Variants in DSCAM observed in about 807,000 individuals in gnomAD.
The protein encoded by DSCAM is DS cell adhesion molecule.
In DSCAM, 47 loss-of-function variants were observed where a neutral mutation model predicts 217.7. The ratio of observed to expected loss-of-function variants is 0.22; its 90% CI spans 0.17 to 0.28. The LOEUF is 0.28. DSCAM is among the 10% of genes least tolerant of loss of function. The pLI, the probability that DSCAM is intolerant of heterozygous loss-of-function variation, is 1.00. For synonymous variants in DSCAM, 1,056 were observed against 1,015.3 expected, an observed-to-expected ratio of 1.04 and a Z score of -0.76; for missense variants, 2,080 against 2,618.3, an observed-to-expected ratio of 0.79 and a Z score of 4.49.
chr21:40,480,819 T>C (rs1400617489), intron 3 of DSCAM, among the ~76,000 whole-genome samples: 2 of 152,216 alleles, frequency 1.3e-5, no homozygotes, highest in Non-Finnish European at 1.5e-5. Flanking sequence ...TTAAAGATGA[T>C]ACTGGCTCAA....
chr21:40,275,490 T>C (rs1029908498), intron 11 of DSCAM, among the ~76,000 whole-genome samples: 4 of 152,222 alleles, frequency 2.6e-5, no homozygotes, highest in Admixed American at 2.6e-4. Flanking sequence ...TGGTTCACTT[T>C]ATATCCTTTC....
At chr21:40,833,467 A>T (rs895284138) in intron 1 of DSCAM, among the ~76,000 whole-genome samples, 4 of 152,198 alleles carry the variant, frequency 2.6e-5, no homozygotes, top group Admixed American at 2.6e-4. Context: ...ATGCATTCAG[A>T]GCGGTTAGCA....
At chr21:40,389,586 A>G (rs564567313) in intron 3 of DSCAM, among the ~76,000 whole-genome samples, 3 of 152,354 alleles carry the variant, frequency 2.0e-5, no homozygotes, top group Non-Finnish European at 4.4e-5. Flanking sequence ...AAGTTGACAA[A>G]GAGCTTACCA....
Position 40,535,915 on chromosome 21 carries a change from A to G in DSCAM, c.508+156895T>C, listed in dbSNP as rs569030348. ...GTCAACATGGATCATGATTTGGGAG[A>G]AAAAAACACCTACTTGGTTGAGAAG... On this transcript the variant is annotated intron_variant, in intron 3 of 32. Transcript: ENST00000400454. 2.1e-4 allele frequency among the ~76,000 whole-genome samples: 32 copies of G among 152,256 alleles called. 1 individual carries two copies. The South Asian group carries it at 6.4e-3, about 31-fold the overall frequency.
chr21:40,617,060 A>C (rs2089408133), intron 3 of DSCAM, among the ~76,000 whole-genome samples: 1 of 146,532 alleles, frequency 6.8e-6, no homozygotes, highest in African/African-American at 2.5e-5. Context: ...CCAGAAATAG[A>C]CTCTAAGACA....
At chr21:40,322,717 G>T (rs1047127882) in intron 8 of DSCAM, among the ~76,000 whole-genome samples, 1 of 152,070 alleles carries the variant, frequency 6.6e-6, no homozygotes, top group Admixed American at 6.5e-5. Context: ...TAGAGACAGG[G>T]TTTCACCATG....
intron 1 of DSCAM, among the ~76,000 whole-genome samples, chr21:40,768,162 C>T (rs2091412404): frequency 6.6e-6 from 1 of 152,172 alleles, no homozygotes; most frequent in Non-Finnish European, 1.5e-5. Flanking sequence ...AACATGGTCA[C>T]CCCTGCCTGA....
intron 17 of DSCAM, 46 bp from the exon 18 acceptor site, chr21:40,142,750 G>A (rs780636356): frequency 1.3e-6 from 2 of 1,515,938 alleles, no homozygotes; most frequent in South Asian, 1.2e-5. Context: ...GGTGGTTTAT[G>A]AGCAAAGCAA....
intron 3 of DSCAM, among the ~76,000 whole-genome samples, chr21:40,674,843 G>C (rs530835894): frequency 6.6e-6 from 1 of 151,958 alleles, no homozygotes; most frequent in Non-Finnish European, 1.5e-5. Context: ...GTGTTAGCCA[G>C]GATGGTCTTG....
In DSCAM at chr21:40,802,403, T is replaced by G. The variant is rs919376468; in HGVS notation, c.43+44216A>C. ...TGGACTTTCGACTTCCGAGTTGGTGTGGGGATAAGTTAAGACTTTGGGGTT... is the reference window on the plus strand; with the variant it reads ...TGGACTTTCGACTTCCGAGTTGGTGGGGGGATAAGTTAAGACTTTGGGGTT... On this transcript the variant is annotated intron_variant, in intron 1 of 32. Coordinates refer to ENST00000400454, the MANE Select transcript of DSCAM (RefSeq NM_001389.5). 6.6e-5 allele frequency among the ~76,000 whole-genome samples: 10 copies of G among 152,188 alleles called. 1 individual carries two copies. The highest frequency in any genetic ancestry group is 2.6e-4 in the Admixed American group (4 of 15,282).
intron 3 of DSCAM, among the ~76,000 whole-genome samples, chr21:40,563,684 TTATA>T (rs548801489): frequency 0.045 from 3,457 of 76,208 alleles, 183 homozygotes; most frequent in African/African-American, 0.15. Context: ...GTTTATATGT[TTATA>T]TATAGTTATA....
chr21:40,247,413 T>C (rs377479000), intron 11 of DSCAM, among the ~76,000 whole-genome samples: 67 of 152,248 alleles, frequency 4.4e-4, no homozygotes, highest in African/African-American at 1.5e-3. Flanking sequence ...ACTTCCTAGA[T>C]ACAATGGGGG....
At chr21:40,268,526 C>T (rs574167559) in intron 11 of DSCAM, among the ~76,000 whole-genome samples, 31 of 151,712 alleles carry the variant, frequency 2.0e-4, no homozygotes, top group African/African-American at 7.3e-4. Context: ...TTGAAATAGG[C>T]GCAATTACCC....
chr21:40,817,889 G>A (rs562424868), intron 1 of DSCAM, among the ~76,000 whole-genome samples: 20 of 151,330 alleles, frequency 1.3e-4, no homozygotes, highest in African/African-American at 4.8e-4. Flanking sequence ...GAGGTCAGGA[G>A]ATCGAGACCA....
Position 40,083,989 on chromosome 21 carries a change from G to A in DSCAM, c.4150C>T (p.Arg1384Trp), listed in dbSNP as rs376121987. Residue 1384 changes from arginine to tryptophan, a missense_variant, in exon 24 of 33, where the codon CGG becomes TGG. Arg to Trp is a moderately radical substitution (Grantham distance 101). Around this residue, in one of 5 missense-constraint regions of DSCAM, gnomAD observed 1,144 missense variants for 1,421.1 expected, o/e 0.81. Coordinates refer to ENST00000400454, the MANE Select transcript of DSCAM (RefSeq NM_001389.5). ...GACGTGGTCTTGGAGACTGTAAGCC[G>A]AGGCTGATCTGGTGGAACTGGAGAG... Reference protein sequence around the residue: ...LQVQVPPDQPRLTVSKTTSSS... With the variant: ...LQVQVPPDQPWLTVSKTTSSS... The A allele has an allele frequency of 1.6e-5, 26 of 1,612,670 alleles. No individual in the cohort carries two copies. The highest frequency in any genetic ancestry group is 9.3e-5 in the African/African-American group (7 of 74,868).
At chr21:40,651,953 C>G (rs944534163) in intron 3 of DSCAM, among the ~76,000 whole-genome samples, 2 of 152,100 alleles carry the variant, frequency 1.3e-5, no homozygotes, top group East Asian at 1.9e-4. Flanking sequence ...AGAGGTCAGC[C>G]CCCCCACCTT....
At chr21:40,223,465 A>T (rs190536379) in intron 11 of DSCAM, among the ~76,000 whole-genome samples, 1 of 152,184 alleles carries the variant, frequency 6.6e-6, no homozygotes, top group South Asian at 2.1e-4. Flanking sequence ...AAACACAGGT[A>T]AAAAAAGCTC....
chr21:40,659,133 C>G (rs932822338), intron 3 of DSCAM, among the ~76,000 whole-genome samples: 2 of 151,784 alleles, frequency 1.3e-5, no homozygotes, highest in Non-Finnish European at 2.9e-5. Flanking sequence ...AATGTGCCTC[C>G]AAGGGTCAAA....
intron 1 of DSCAM, among the ~76,000 whole-genome samples, chr21:40,729,359 A>G (rs2090989922): frequency 6.6e-6 from 1 of 152,212 alleles, no homozygotes. Context: ...GTCATGAACA[A>G]AAAGGACACA....
Sources: allele counts gnomAD v4.1 joint callset (sites outside exome capture counted in the v4.1 genomes callset), GRCh38; gene constraint gnomAD v4.1.1; regional missense constraint gnomAD v4.1.1; transcripts MANE v1.5; gene names NCBI Gene and HGNC (gene_info 2026-07-23, HGNC 2026-07-21).